Variants in WDR7 observed in about 807,000 individuals in gnomAD.
WDR7 encodes WD repeat domain 7, also known as WD repeat-containing protein 7.
Under a neutral mutation model 169.4 loss-of-function variants are expected in WDR7, and 46 were observed. That is an observed-to-expected ratio of 0.27 (90% CI 0.21 to 0.35). WDR7 has a LOEUF of 0.35. WDR7 is among the 10% of genes least tolerant of loss of function. The pLI, the probability that WDR7 is intolerant of heterozygous loss-of-function variation, is 1.00. For synonymous variants in WDR7, 612 were observed against 666.8 expected (o/e 0.92, Z 1.27); for missense variants, 1,534 against 1,859.3 (o/e 0.83, Z 3.22).
At chr18:57,022,987 G>A (rs1182054213) in intron 27 of WDR7, among the ~76,000 whole-genome samples, 1 of 152,210 alleles carries the variant, frequency 6.6e-6, no homozygotes, top group African/African-American at 2.4e-5. Context: ...ACATGCCAAA[G>A]CCAAAGCAGC....
rs183421005 is a variant in WDR7, at chr18:56,890,463, G to T, written c.3526+10298G>T. On this transcript the variant is annotated intron_variant, in intron 21 of 27. Transcript: ENST00000254442. ...AAGAAAGTGAAGCCAAATTTCAAAT[G>T]TTTTATTAGCAAGCTTACGACAATG... Among the ~76,000 whole-genome samples the T allele has an allele frequency of 8.9e-4, 136 of 152,240 alleles. 1 individual carries two copies. The highest frequency in any genetic ancestry group is 3.0e-3 in the African/African-American group (123 of 41,566).
chr18:56,653,667 G>C (rs2024705143), intron 1 of WDR7, among the ~76,000 whole-genome samples: 1 of 152,108 alleles, frequency 6.6e-6, no homozygotes. Flanking sequence ...ATATCGTGCA[G>C]TTTTTTTGTC....
At chr18:56,657,898 A>G (rs545512515) in intron 1 of WDR7, among the ~76,000 whole-genome samples, 1 of 152,180 alleles carries the variant, frequency 6.6e-6, no homozygotes, top group Admixed American at 6.5e-5. Context: ...ATTTTTTTTC[A>G]AACTATGTTG....
intron 19 of WDR7, among the ~76,000 whole-genome samples, chr18:56,783,162 TA>T (rs5825204): frequency 0.12 from 18,410 of 148,530 alleles, 1,495 homozygotes; most frequent in African/African-American, 0.23. Flanking sequence ...CAAATTAAGT[TA>T]AAAAAAAAAA....
intron 23 of WDR7, among the ~76,000 whole-genome samples, chr18:56,937,662 G>C (rs1226708542): frequency 6.6e-6 from 1 of 152,064 alleles, no homozygotes; most frequent in Non-Finnish European, 1.5e-5. Context: ...TGTTCATATG[G>C]ATTTTCCAAC....
At chr18:56,872,823 C>T (rs910143972) in intron 20 of WDR7, 7 of 152,114 alleles carry the variant, frequency 4.6e-5, no homozygotes, top group African/African-American at 1.7e-4. Context: ...ACCAAATTTT[C>T]ATGAGACAAA....
intron 19 of WDR7, among the ~76,000 whole-genome samples, chr18:56,795,385 G>A (rs537812656): frequency 1.3e-5 from 2 of 152,268 alleles, no homozygotes; most frequent in East Asian, 1.9e-4. Flanking sequence ...GCGTCTTGCT[G>A]TTTGTTCACT....
chr18:56,827,490 A>G (rs77624371), intron 20 of WDR7, among the ~76,000 whole-genome samples: 2,558 of 152,264 alleles, frequency 0.017, 72 homozygotes, highest in African/African-American at 0.059. Flanking sequence ...GGATCTAAAA[A>G]TCAAAGCAAT....
intron 14 of WDR7, among the ~76,000 whole-genome samples, chr18:56,741,051 T>C (rs191741822): frequency 1.3e-5 from 2 of 152,182 alleles, no homozygotes; most frequent in African/African-American, 4.8e-5. Context: ...TCATGTCCCA[T>C]AGAACATTCC....
intron 13 of WDR7, among the ~76,000 whole-genome samples, chr18:56,728,292 T>C (rs2026504589): frequency 6.6e-6 from 1 of 152,208 alleles, no homozygotes; most frequent in Non-Finnish European, 1.5e-5. Context: ...TGTAAATAGC[T>C]TTTCTTTATC....
In WDR7 at chr18:56,746,040, A is replaced by G. The variant is rs187506495; in HGVS notation, c.1990-10543A>G. ...TTTTTTCCAGTGTGAATCTTGTAAG[A>G]TGATTTATATGACATGGTATTGCAG... On this transcript the variant is annotated intron_variant, in intron 14 of 27. Transcript: ENST00000254442. Among the ~76,000 whole-genome samples the G allele has an allele frequency of 7.9e-5, 12 of 152,318 alleles. 2 individuals are homozygous for G. In the East Asian group the frequency reaches 2.3e-3, roughly 29 times the overall value.
rs2048418363 is a variant in WDR7, at chr18:57,029,561, G to C, written c.*2354G>C. The C allele has an allele frequency of 6.6e-6, 1 of 151,924 alleles. No homozygotes were observed. The highest frequency in any genetic ancestry group is 2.4e-5 in the African/African-American group (1 of 41,340). 9.4% of individuals were successfully genotyped at this position (151,924 alleles called of 1,614,324 possible). On this transcript the variant is annotated 3_prime_UTR_variant, in exon 28 of 28. Transcript: ENST00000254442. The stretch of plus-strand genomic sequence containing the variant: ...ATTGATTTCACTGGCACTGTATTTG[G>C]ACCTGTCCTTGTATATGTAGAGACA...
intron 21 of WDR7, among the ~76,000 whole-genome samples, chr18:56,895,692 A>G (rs908287922): frequency 2.6e-5 from 4 of 151,850 alleles, no homozygotes; most frequent in African/African-American, 7.2e-5. Context: ...CTAAATATGT[A>G]TATCTACCAT....
intron 14 of WDR7, among the ~76,000 whole-genome samples, chr18:56,738,937 A>G (rs547104508): frequency 1.3e-4 from 19 of 151,662 alleles, no homozygotes; most frequent in African/African-American, 4.6e-4. Flanking sequence ...ATTGGTTATA[A>G]TAATGCGTTC....
At chr18:56,976,259 G>A (rs1294748135) in intron 26 of WDR7, among the ~76,000 whole-genome samples, 1 of 152,082 alleles carries the variant, frequency 6.6e-6, no homozygotes, top group Non-Finnish European at 1.5e-5. Context: ...AGTAAAAATA[G>A]AAATTGATAC....
chr18:56,990,298 G>A (rs2047792121), intron 26 of WDR7, among the ~76,000 whole-genome samples: 1 of 152,212 alleles, frequency 6.6e-6, no homozygotes, highest in South Asian at 2.1e-4. Context: ...GTGTTGCCTA[G>A]CAGGAAAGGA....
intron 27 of WDR7, among the ~76,000 whole-genome samples, chr18:57,023,342 A>G (rs1336695906): frequency 6.6e-6 from 1 of 152,210 alleles, no homozygotes; most frequent in Non-Finnish European, 1.5e-5. Flanking sequence ...TGAAAAGTTA[A>G]TGAAGTCTTA....
chr18:56,860,386 T>C lies in WDR7; in HGVS notation c.3305-19558T>C, dbSNP rs75754420. ...ATAGCTCATCCCAGCTAAAGCAAAA[T>C]GGTTCAGTTTTACCATCCTTAAATT... On this transcript the variant is annotated intron_variant, in intron 20 of 27. Coordinates refer to ENST00000254442, the MANE Select transcript of WDR7 (RefSeq NM_015285.3). Among the ~76,000 whole-genome samples the C allele has an allele frequency of 9.4e-3, 1,432 of 152,164 alleles. 22 individuals are homozygous for C. Among genetic ancestry groups the C allele is most frequent in the African/African-American group, 0.032 (1,348 of 41,500 alleles).
chr18:56,722,471 A>G (rs1163526675), intron 13 of WDR7, among the ~76,000 whole-genome samples: 2 of 152,198 alleles, frequency 1.3e-5, no homozygotes, highest in South Asian at 2.1e-4. Flanking sequence ...TTGCCATTAC[A>G]TCATCAGCTT....
Sources: gnomAD v4.1 joint callset for allele counts (sites outside exome capture counted in the v4.1 genomes callset) on GRCh38, gnomAD v4.1.1 for gene constraint, MANE v1.5 for transcripts, NCBI Gene and HGNC (gene_info 2026-07-23, HGNC 2026-07-21) for gene names.